Variants in MBD5 observed in about 807,000 individuals in gnomAD.
MBD5 encodes methyl-CpG-binding domain protein 5.
MBD5 carries 13 observed loss-of-function variants against 117.3 expected under a neutral mutation model. The observed-to-expected ratio is 0.11, with a 90% CI of 0.07 to 0.18. The LOEUF is 0.18. Ranked by LOEUF, MBD5 falls within the 10% of genes least tolerant of loss-of-function variation. The pLI is 1.00. For synonymous variants in MBD5, 727 were observed against 766.4 expected, an observed-to-expected ratio of 0.95 and a Z score of 0.85; for missense variants, 1,879 against 2,093.8, an observed-to-expected ratio of 0.90 and a Z score of 2.00.
intron 11 of MBD5, among the ~76,000 whole-genome samples, chr2:148,500,751 C>T (rs1452805931): frequency 6.6e-6 from 1 of 152,164 alleles, no homozygotes; most frequent in Non-Finnish European, 1.5e-5. Flanking sequence ...TAGCACAGCT[C>T]CTTTCCTGCT....
At chr2:148,367,503 T>C (rs1301617549) in intron 4 of MBD5, among the ~76,000 whole-genome samples, 1 of 152,204 alleles carries the variant, frequency 6.6e-6, no homozygotes, top group Non-Finnish European at 1.5e-5. Context: ...AAAGAGCTTC[T>C]GCACAGCAAA....
chr2:148,215,266 A>G (rs983135459), intron 2 of MBD5, among the ~76,000 whole-genome samples: 7 of 152,166 alleles, frequency 4.6e-5, no homozygotes, highest in Non-Finnish European at 8.8e-5. Flanking sequence ...CCAGCCCCCA[A>G]AATAGTGTCT....
intron 1 of MBD5, among the ~76,000 whole-genome samples, chr2:148,104,453 T>G (rs1696315857): frequency 6.6e-6 from 1 of 152,200 alleles, no homozygotes; most frequent in Non-Finnish European, 1.5e-5. Flanking sequence ...TGTCCCAACC[T>G]GCAATATTAT....
intron 10 of MBD5, among the ~76,000 whole-genome samples, chr2:148,487,490 A>G (rs1404179129): frequency 6.6e-6 from 1 of 152,200 alleles, no homozygotes; most frequent in Non-Finnish European, 1.5e-5. Flanking sequence ...ATGATAATAT[A>G]TATATCTTCC....
At chr2:148,051,649 T>TGTG (rs1558903934) in intron 1 of MBD5, among the ~76,000 whole-genome samples, 1 of 120,590 alleles carries the variant, frequency 8.3e-6, no homozygotes, top group Non-Finnish European at 1.8e-5. Context: ...GTGTGTGTGT[T>TGTG]GTCATGAAAG....
chr2:148,329,043 A>G (rs1283890487), intron 3 of MBD5, among the ~76,000 whole-genome samples: 3 of 152,200 alleles, frequency 2.0e-5, no homozygotes, highest in African/African-American at 4.8e-5. Flanking sequence ...TCATTTTTGC[A>G]TTATTACATT....
intron 4 of MBD5, among the ~76,000 whole-genome samples, chr2:148,387,657 G>C (rs1053082790): frequency 2.6e-5 from 4 of 151,832 alleles, no homozygotes; most frequent in Non-Finnish European, 5.9e-5. Flanking sequence ...AGAAATAATA[G>C]AATTAGTAAA....
intron 4 of MBD5, among the ~76,000 whole-genome samples, chr2:148,433,202 G>A (rs956578449): frequency 2.6e-5 from 4 of 152,042 alleles, no homozygotes; most frequent in Non-Finnish European, 5.9e-5. Context: ...ACTGATTTTT[G>A]TTCTTCGATT....
At chr2:148,251,483 A>C (rs745597608) in intron 3 of MBD5, among the ~76,000 whole-genome samples, 6 of 152,218 alleles carry the variant, frequency 3.9e-5, no homozygotes, top group Non-Finnish European at 5.9e-5. Flanking sequence ...AAGCATTTGA[A>C]AGTATTTAAT....
chr2:148,164,995 G>C (rs1698091304), intron 1 of MBD5, among the ~76,000 whole-genome samples: 2 of 152,094 alleles, frequency 1.3e-5, no homozygotes, highest in Admixed American at 6.6e-5. Context: ...TATCATGAAG[G>C]AGTTTATTGT....
intron 4 of MBD5, among the ~76,000 whole-genome samples, chr2:148,385,675 G>C (rs1205256507): frequency 1.3e-5 from 2 of 151,572 alleles, no homozygotes; most frequent in African/African-American, 4.9e-5. Flanking sequence ...GTTTATTGCG[G>C]CACTATTCAC....
intron 3 of MBD5, among the ~76,000 whole-genome samples, chr2:148,309,764 TG>T (rs1180272907): frequency 6.6e-6 from 1 of 152,226 alleles, no homozygotes; most frequent in African/African-American, 2.4e-5. Flanking sequence ...TTCCAGCTTT[TG>T]CCCATTCAGT....
chr2:148,392,203 A>G (rs1207325102), intron 4 of MBD5, among the ~76,000 whole-genome samples: 2 of 152,202 alleles, frequency 1.3e-5, no homozygotes, highest in Non-Finnish European at 2.9e-5. Flanking sequence ...TAGTTATTCT[A>G]TAATAAACAA....
Position 148,468,952 on chromosome 2 carries a change from C to A in MBD5, c.1009C>A (p.Pro337Thr). ...CCACCACAAACCACCCCAAGGCCCA[C>A]CTCCCCCTCCTCCACCTTCTTGTGC... ...MFHHKPPQGPPPPPPPSCALQ... is the reference protein window; with the variant it reads ...MFHHKPPQGPTPPPPPSCALQ... The change falls in exon 8 of 14, where the codon CCT becomes ACT. Residue 337 changes from proline to threonine, a missense_variant. By Grantham distance (38) the Pro-to-Thr change is conservative. Around this residue, in one of 4 missense-constraint regions of MBD5, gnomAD observed 1,666 missense variants for 1,792.2 expected, o/e 0.93. Transcript: ENST00000642680. 1 of 1,613,458 alleles carries A rather than the reference C, an allele frequency of 6.2e-7. No homozygotes were observed. Among genetic ancestry groups the A allele is most frequent in the South Asian group, 1.1e-5 (1 of 91,054 alleles).
In MBD5 at chr2:148,395,110, G is replaced by A. The variant is rs533329271; in HGVS notation, c.-557+52774G>A. On this transcript the variant is annotated intron_variant, in intron 4 of 13. Transcript: ENST00000642680. ...GTGGACCATACCTGGAAAGCTATGA[G>A]ATACCAATGCAGTTTGCTGTCTCCC... Among the ~76,000 whole-genome samples the A allele has an allele frequency of 8.5e-5, 13 of 152,286 alleles. No individual in the cohort carries two copies. In the South Asian group the frequency reaches 2.3e-3, roughly 27 times the overall value.
intron 3 of MBD5, among the ~76,000 whole-genome samples, chr2:148,340,837 TAC>T (rs141965837): frequency 0.48 from 68,166 of 142,288 alleles, 16,131 homozygotes; most frequent in Admixed American, 0.56. Context: ...AAACCACACA[TAC>T]ACACACACAC....
rs141526165 is a variant in MBD5, at chr2:148,512,923, G to A, written c.5166G>A (p.Arg1722=). The A allele has an allele frequency of 6.2e-7, 1 of 1,613,848 alleles. No individual in the cohort carries two copies. The highest frequency in any genetic ancestry group is 8.5e-7 in the Non-Finnish European group (1 of 1,179,800). ...AAATGAGACCCCCCAAACCCAAGAG[G>A]AGGAAGATCTCCAGATAACAGAGAC... is the stretch of plus-strand genomic sequence containing the variant. ...DRQMRPPKPK[R]RKISR Residue 1722 remains arginine (R), a synonymous_variant, in exon 14 of 14, where the codon AGG becomes AGA. Transcript: ENST00000642680.
intron 3 of MBD5, among the ~76,000 whole-genome samples, chr2:148,244,628 A>G (rs540793535): frequency 2.0e-5 from 3 of 152,224 alleles, no homozygotes; most frequent in Admixed American, 6.5e-5. Context: ...CATTCAACAA[A>G]TATTTACTGA....
intron 5 of MBD5, among the ~76,000 whole-genome samples, chr2:148,460,779 A>G (rs955252055): frequency 7.9e-5 from 12 of 152,226 alleles, no homozygotes; most frequent in African/African-American, 2.9e-4. Context: ...GAGTACTTTA[A>G]TAGAATTAAG....
Sources: gnomAD v4.1 joint callset for allele counts (sites outside exome capture counted in the v4.1 genomes callset) on GRCh38, gnomAD v4.1.1 for gene constraint, gnomAD v4.1.1 regional missense constraint, MANE v1.5 for transcripts, NCBI Gene and HGNC (gene_info 2026-07-23, HGNC 2026-07-21) for gene names.